DEPDC5: variants seen among roughly 807,000 people sequenced by gnomAD.
DEPDC5 encodes the protein GATOR1 complex protein DEPDC5.
In DEPDC5, 73 loss-of-function variants were observed where a neutral mutation model predicts 217.3. That is an observed-to-expected ratio of 0.34 (90% CI 0.28 to 0.41). The LOEUF (loss-of-function observed/expected upper bound fraction) is 0.41, where lower values mean the gene tolerates loss of function less well. DEPDC5 is among the 10% of genes least tolerant of loss of function. DEPDC5 has a pLI of 1.00. For missense variants in DEPDC5, 1,675 were observed against 2,070.1 expected, an observed-to-expected ratio of 0.81 and a Z score of 3.70; for synonymous variants, 733 against 756.7, an observed-to-expected ratio of 0.97 and a Z score of 0.51.
At chr22:31,873,448 A>G in intron 35 of DEPDC5, 116 bp downstream of exon 35, 1 of 1,134,940 alleles carries the variant, frequency 8.8e-7, no homozygotes, top group Non-Finnish European at 1.2e-6. Flanking sequence ...ACCAGTTTTG[A>G]GAGCTTGGGC....
At chr22:31,815,652 G>T in intron 21 of DEPDC5, 1 of 567,582 alleles carries the variant, frequency 1.8e-6, no homozygotes, top group Admixed American at 3.6e-5. Flanking sequence ...TCCCACTTCT[G>T]CCTCCCAAGT....
chr22:31,883,696 G>A (rs577043176), intron 38 of DEPDC5, among the ~76,000 whole-genome samples: 2 of 152,210 alleles, frequency 1.3e-5, no homozygotes, highest in Non-Finnish European at 2.9e-5. Flanking sequence ...TGCTAGAGCT[G>A]GAGTTTATTC....
At chr22:31,803,579 G>A (rs1474305991) in intron 15 of DEPDC5, among the ~76,000 whole-genome samples, 1 of 151,770 alleles carries the variant, frequency 6.6e-6, no homozygotes, top group Non-Finnish European at 1.5e-5. Flanking sequence ...GATGTGCCTC[G>A]TATCCCCAAC....
intron 3 of DEPDC5, among the ~76,000 whole-genome samples, chr22:31,760,441 T>C (rs887018477): frequency 5.3e-5 from 8 of 152,190 alleles, no homozygotes; most frequent in African/African-American, 1.9e-4. Context: ...CCTGACCTCG[T>C]GGTCCACCTG....
intron 5 of DEPDC5, 62 bp downstream of exon 5, chr22:31,765,122 T>C (rs999795754): frequency 2.3e-6 from 3 of 1,315,502 alleles, no homozygotes; most frequent in South Asian, 1.2e-5. Flanking sequence ...CAAGGTTAGA[T>C]TACTAAGGAA....
chr22:31,769,979 A>G (rs758640608), intron 7 of DEPDC5, among the ~76,000 whole-genome samples: 10 of 151,342 alleles, frequency 6.6e-5, no homozygotes, highest in Non-Finnish European at 1.2e-4. Flanking sequence ...TAATCTCAGC[A>G]CTTTGAGAGG....
At chr22:31,764,281 C>T (rs1470523024) in intron 4 of DEPDC5, among the ~76,000 whole-genome samples, 6 of 152,216 alleles carry the variant, frequency 3.9e-5, no homozygotes, top group African/African-American at 1.4e-4. Context: ...CCCCATGTTA[C>T]GTTTCTTACC....
At chr22:31,879,043 A>AAAAAAAAAAAAAAAAT (rs763615141) in intron 37 of DEPDC5, among the ~76,000 whole-genome samples, 1 of 119,476 alleles carries the variant, frequency 8.4e-6, no homozygotes. Context: ...AAAAAAAAAA[A>AAAAAAAAAAAAAAAAT]ATATATATAT....
At chr22:31,815,928 G>A (rs1359107214) in intron 21 of DEPDC5, 1 of 1,009,838 alleles carries the variant, frequency 9.9e-7, no homozygotes, top group Non-Finnish European at 1.2e-6. Context: ...TAGGCCTAGG[G>A]TCAAAAGGGT....
chr22:31,821,503 G>A lies in DEPDC5; in HGVS notation c.1872G>A (p.Gly624=), dbSNP rs2148821269. ...CTCAGTGGTTCTTTATCTGGGTAGGGCCATCCGGAGAAGCCATCCAGATCC... is the reference window on the plus strand; with the variant it reads ...CTCAGTGGTTCTTTATCTGGGTAGGACCATCCGGAGAAGCCATCCAGATCC... The part of the protein sequence containing the change: ...RRRWMHTFPV[G]PSGEAIQIHH... Residue 624 remains glycine, a splice_region_variant and synonymous_variant, in exon 23 of 43, where the codon GGG becomes GGA. Transcript: ENST00000651528. The A allele has an allele frequency of 1.2e-6, 2 of 1,614,172 alleles. No homozygotes were observed. Among genetic ancestry groups the A allele is most frequent in the Admixed American group, 1.7e-5 (1 of 60,022 alleles).
At chr22:31,755,587 T>C (rs2075252906) in intron 2 of DEPDC5, 1 of 152,118 alleles carries the variant, frequency 6.6e-6, no homozygotes, top group Non-Finnish European at 1.5e-5. Context: ...CTTTTTTTTT[T>C]TGGGACACGG....
rs2091653464 is a variant in DEPDC5 at position 31,845,194 on chromosome 22, T to C, written c.2978T>C (p.Leu993Ser). The change falls in exon 30 of 43, where the codon TTG becomes TCG. Residue 993 changes from leucine to serine, a missense_variant. Physicochemically the swap from Leu to Ser is moderately radical, Grantham distance 145 (BLOSUM62 -2). Coordinates refer to ENST00000651528, the MANE Select transcript of DEPDC5 (RefSeq NM_001242896.3). ...LDGFVRFVEGLNRIRRRHRSD... is the reference protein window; with the variant it reads ...LDGFVRFVEGSNRIRRRHRSD... ...GGTTTTGTCCGCTTTGTGGAGGGCTTGAATCGCATTCGCAGGCGGCATCGC... is the reference window on the plus strand; with the variant it reads ...GGTTTTGTCCGCTTTGTGGAGGGCTCGAATCGCATTCGCAGGCGGCATCGC... The C allele has an allele frequency of 6.2e-7, 1 of 1,614,082 alleles. No individual in the cohort carries two copies. The highest frequency in any genetic ancestry group is 8.5e-7 in the Non-Finnish European group (1 of 1,180,028).
intron 41 of DEPDC5, among the ~76,000 whole-genome samples, chr22:31,903,804 C>T (rs2093707912): frequency 6.6e-6 from 1 of 150,808 alleles, no homozygotes; most frequent in African/African-American, 2.4e-5. Context: ...TGTTTCCTCT[C>T]TGAATTCCTC....
intron 25 of DEPDC5, among the ~76,000 whole-genome samples, chr22:31,834,578 G>A (rs942675993): frequency 6.6e-6 from 1 of 150,458 alleles, no homozygotes; most frequent in Non-Finnish European, 1.5e-5. Flanking sequence ...GTGCAGTGAC[G>A]TGATCTCGGC....
Position 31,893,866 on chromosome 22 carries a change from C to T in DEPDC5, c.4203+115C>T, listed in dbSNP as rs551664958. On this transcript the variant is annotated intron_variant, in intron 39 of 42. Coordinates refer to ENST00000651528, the MANE Select transcript of DEPDC5 (RefSeq NM_001242896.3). ...TTTAGTTCAGGCTCTTATTACCATT[C>T]ATCGGGACTATTGGAGTAACCTTTT... 4.1e-4 allele frequency: 490 copies of T among 1,181,074 alleles called. 1 individual carries two copies. In the African/African-American group the frequency reaches 7.4e-3, roughly 18 times the overall value. 73.2% of individuals were successfully genotyped at this position (1,181,074 alleles called of 1,614,324 possible).
At chr22:31,851,202 C>G (rs2092009926) in intron 31 of DEPDC5, among the ~76,000 whole-genome samples, 1 of 152,208 alleles carries the variant, frequency 6.6e-6, no homozygotes, top group Non-Finnish European at 1.5e-5. Context: ...GTCTCACACA[C>G]TCAGTCATGC....
At chr22:31,791,131 C>T (rs1017853965) in intron 10 of DEPDC5, among the ~76,000 whole-genome samples, 6 of 152,086 alleles carry the variant, frequency 3.9e-5, no homozygotes, top group African/African-American at 1.4e-4. Flanking sequence ...AACTGGGAGA[C>T]AGTCACCATT....
intron 32 of DEPDC5, among the ~76,000 whole-genome samples, chr22:31,859,702 A>G (rs776065060): frequency 5.9e-5 from 9 of 152,178 alleles, no homozygotes; most frequent in Non-Finnish European, 7.4e-5. Flanking sequence ...CGTAAAAACC[A>G]TTCTTAGCTC....
chr22:31,874,301 A>C lies in DEPDC5; in HGVS notation c.3592A>C (p.Lys1198Gln). Residue 1198 changes from lysine to glutamine, a missense_variant, in exon 36 of 43, where the codon AAG (lysine) becomes CAG (glutamine). This residue lies in a region of DEPDC5 where 194 missense variants were observed against 199.3 expected (regional missense o/e 0.97). Transcript: ENST00000651528. ...STGVQLLSEQ[K>Q]GLSPYCFISA... ...AGGAGTCCAGCTGCTCTCTGAACAG[A>C]AGGGCCTCTCACCGTACTGCTTCAT... 1 of 1,608,198 alleles carries C rather than the reference A, an allele frequency of 6.2e-7. No homozygotes were observed.
Sources: gnomAD v4.1 joint callset for allele counts (sites outside exome capture counted in the v4.1 genomes callset) on GRCh38, gnomAD v4.1.1 for gene constraint, gnomAD v4.1.1 regional missense constraint, MANE v1.5 for transcripts, NCBI Gene and HGNC (gene_info 2026-07-23, HGNC 2026-07-21) for gene names.